The following NIBAN1 variants were observed in gnomAD, a reference collection of about 807,000 sequenced individuals.
NIBAN1 encodes niban apoptosis regulator 1.
A neutral mutation model predicts 75.1 loss-of-function variants in NIBAN1; 81 were observed. The ratio of observed to expected loss-of-function variants is 1.08; its 90% CI spans 0.90 to 1.30. The LOEUF is 1.30. Among genes scored for constraint, NIBAN1 ranks in the 50% most tolerant of loss-of-function variants. The probability of loss-of-function intolerance (pLI) is 0.00; values close to 1 mark genes in which losing one functional copy is unlikely to be tolerated. For synonymous variants in NIBAN1, 436 were observed against 424.8 expected (o/e 1.03, Z -0.32); for missense variants, 1,133 against 1,128.1 (o/e 1.00, Z -0.06).
intron 1 of NIBAN1, among the ~76,000 whole-genome samples, chr1:184,942,502 G>A (rs1050734164): frequency 6.6e-6 from 1 of 152,118 alleles, no homozygotes; most frequent in African/African-American, 2.4e-5. Flanking sequence ...GACCATCCTG[G>A]CTAACATGGT....
chr1:184,894,282 T>C (rs990328823), intron 2 of NIBAN1, 76 bp from the exon 3 acceptor site: 1 of 1,426,508 alleles, frequency 7.0e-7, no homozygotes, highest in Admixed American at 2.7e-5. Flanking sequence ...ATCCATGCTA[T>C]TTCAAGGAAT....
At chr1:184,912,007 G>T (rs1657254335) in intron 1 of NIBAN1, among the ~76,000 whole-genome samples, 1 of 152,020 alleles carries the variant, frequency 6.6e-6, no homozygotes, top group African/African-American at 2.4e-5. Context: ...GCTAAAACTG[G>T]TGTTTACACC....
chr1:184,807,667 T>C (rs1654243727), intron 10 of NIBAN1, among the ~76,000 whole-genome samples: 1 of 152,166 alleles, frequency 6.6e-6, no homozygotes, highest in South Asian at 2.1e-4. Flanking sequence ...CACATGCCTG[T>C]AGTCCCAGCT....
intron 1 of NIBAN1, among the ~76,000 whole-genome samples, chr1:184,943,978 T>C (rs1000011072): frequency 1.3e-5 from 2 of 152,090 alleles, no homozygotes; most frequent in East Asian, 1.9e-4. Flanking sequence ...AAAAGACATA[T>C]GGAAAAATCA....
chr1:184,966,669 G>A (rs1051735342), intron 1 of NIBAN1, among the ~76,000 whole-genome samples: 2 of 152,156 alleles, frequency 1.3e-5, no homozygotes, highest in African/African-American at 4.8e-5. Context: ...GTCTTGACCT[G>A]CGTAGTGGCT....
At chr1:184,864,880 G>GA (rs946583109) in intron 5 of NIBAN1, among the ~76,000 whole-genome samples, 112 of 113,150 alleles carry the variant, frequency 9.9e-4, no homozygotes, top group Admixed American at 2.3e-3. Flanking sequence ...AATAATAAAA[G>GA]AAAAAAAAAA....
chr1:184,930,446 A>G (rs1291914873), intron 1 of NIBAN1, among the ~76,000 whole-genome samples: 1 of 152,204 alleles, frequency 6.6e-6, no homozygotes, highest in African/African-American at 2.4e-5. Flanking sequence ...TTTGTAGGGC[A>G]CACTCCGTAG....
Position 184,945,268 on chromosome 1 carries a change from C to A in NIBAN1, c.55+29034G>T, listed in dbSNP as rs573885220. ...CCAGCTAGTGAAGTGAAATAATGAACCTTGGGTGAAATCAATGATGTCATG... is the reference window on the plus strand; with the variant it reads ...CCAGCTAGTGAAGTGAAATAATGAAACTTGGGTGAAATCAATGATGTCATG... On this transcript the variant is annotated intron_variant, in intron 1 of 13. Transcript: ENST00000367511. Among the ~76,000 whole-genome samples, 8 of 152,302 alleles carry A rather than the reference C, an allele frequency of 5.3e-5. No individual in the cohort carries two copies. In the South Asian group the frequency reaches 1.4e-3, roughly 28 times the overall value.
At chr1:184,805,882 T>G in intron 11 of NIBAN1, 64 bp downstream of exon 11, 2 of 1,334,962 alleles carry the variant, frequency 1.5e-6, no homozygotes, top group Non-Finnish European at 2.1e-6. Flanking sequence ...ATTTTCCACT[T>G]TACAAAAGAA....
At chr1:184,973,353 G>T (rs977278546) in intron 1 of NIBAN1, among the ~76,000 whole-genome samples, 1 of 152,124 alleles carries the variant, frequency 6.6e-6, no homozygotes, top group Non-Finnish European at 1.5e-5. Context: ...TTCCTCTTAG[G>T]AAAGGATTCA....
At chr1:184,904,810 G>A (rs192086) in intron 1 of NIBAN1, among the ~76,000 whole-genome samples, 65,167 of 151,812 alleles carry the variant, frequency 0.43, 14,115 homozygotes, top group East Asian at 0.53. Context: ...AATTAGCCGG[G>A]TGTGGTGGTG....
intron 1 of NIBAN1, among the ~76,000 whole-genome samples, chr1:184,958,921 A>G (rs1457835852): frequency 1.3e-5 from 2 of 152,232 alleles, no homozygotes; most frequent in Admixed American, 1.3e-4. Context: ...CTAAGCCTGC[A>G]TCTGCTTTGC....
chr1:184,824,305 C>T (rs1279094639), intron 6 of NIBAN1, among the ~76,000 whole-genome samples: 5 of 152,092 alleles, frequency 3.3e-5, no homozygotes, highest in East Asian at 3.9e-4. Flanking sequence ...GTGAGAATGA[C>T]GTCTAGACCG....
At chr1:184,804,733 A>T (rs1485365950) in intron 11 of NIBAN1, among the ~76,000 whole-genome samples, 3 of 151,444 alleles carry the variant, frequency 2.0e-5, no homozygotes, top group Admixed American at 6.6e-5. Flanking sequence ...GTTGCATTGC[A>T]ATTTCATCAT....
At chr1:184,900,252 C>G (rs1656918570) in intron 1 of NIBAN1, among the ~76,000 whole-genome samples, 2 of 152,118 alleles carry the variant, frequency 1.3e-5, no homozygotes, top group Admixed American at 6.6e-5. Flanking sequence ...TGATTCAAAG[C>G]AGTATATAAC....
chr1:184,869,486 A>G (rs1465435160), intron 5 of NIBAN1, among the ~76,000 whole-genome samples: 1 of 152,044 alleles, frequency 6.6e-6, no homozygotes, highest in Non-Finnish European at 1.5e-5. Flanking sequence ...AAAGAGTTTA[A>G]TTTTATCTTA....
rs1658167674 is a variant in NIBAN1, at chr1:184,944,195, C to T, written c.55+30107G>A. Among the ~76,000 whole-genome samples the T allele has an allele frequency of 2.0e-5, 3 of 152,314 alleles. No individual in the cohort carries two copies. The South Asian group carries it at 6.2e-4, about 32-fold the overall frequency. On this transcript the variant is annotated intron_variant, in intron 1 of 13. Coordinates refer to ENST00000367511, the MANE Select transcript of NIBAN1 (RefSeq NM_052966.4). ...ACCACTCATTGGTGATAGTGAAAGG[C>T]TCTGTGCAGATAAGATATGGTCAGT...
intron 5 of NIBAN1, among the ~76,000 whole-genome samples, chr1:184,863,208 C>T (rs1655862858): frequency 6.6e-6 from 1 of 152,168 alleles, no homozygotes; most frequent in African/African-American, 2.4e-5. Context: ...TATTCTCTTT[C>T]CCACACTCTC....
At chr1:184,875,944 C>T (rs190822277) in intron 5 of NIBAN1, among the ~76,000 whole-genome samples, 3 of 152,122 alleles carry the variant, frequency 2.0e-5, no homozygotes, top group South Asian at 2.1e-4. Flanking sequence ...GAGGCCAAGG[C>T]GGGTGGATCA....
Sources: gnomAD v4.1 joint callset for allele counts (sites outside exome capture counted in the v4.1 genomes callset) on GRCh38, gnomAD v4.1.1 for gene constraint, MANE v1.5 for transcripts, NCBI Gene and HGNC (gene_info 2026-07-23, HGNC 2026-07-21) for gene names.